The following SCHIP1 variants were observed in gnomAD, a reference collection of about 807,000 sequenced individuals.
SCHIP1 encodes schwannomin interacting protein 1.
In SCHIP1, 8 loss-of-function variants were observed where a neutral mutation model predicts 29.7. That is an observed-to-expected ratio of 0.27 (90% CI 0.16 to 0.49). The LOEUF is 0.49. SCHIP1 is among the 20% of genes least tolerant of loss of function. SCHIP1 has a pLI of 0.99. For missense variants in SCHIP1, 193 were observed against 294.6 expected (o/e 0.66, Z 2.52); for synonymous variants, 76 against 94.9 (o/e 0.80, Z 1.16).
chr3:159,594,487 C>T, the SCHIP1 span, among the ~76,000 whole-genome samples: 1 of 152,134 alleles, frequency 6.6e-6, no homozygotes, highest in Non-Finnish European at 1.5e-5. Context: ...GAAATTACAG[C>T]CACAGTGACT....
At chr3:159,693,868 A>T in the SCHIP1 span, among the ~76,000 whole-genome samples, 9 of 152,232 alleles carry the variant, frequency 5.9e-5, no homozygotes, top group Non-Finnish European at 1.3e-4. Context: ...GTAAATATCC[A>T]TTAAGTCATT....
the SCHIP1 span, among the ~76,000 whole-genome samples, chr3:159,496,441 G>A: frequency 1.6e-4 from 24 of 151,902 alleles, no homozygotes; most frequent in Non-Finnish European, 2.2e-4. Context: ...AAAAGTAAGC[G>A]AAGGATATGA....
At chr3:159,325,715 C>T in the SCHIP1 span, among the ~76,000 whole-genome samples, 2 of 151,940 alleles carry the variant, frequency 1.3e-5, no homozygotes, top group Admixed American at 6.6e-5. Flanking sequence ...TCTAAAAGCA[C>T]CTGGATCTGG....
chr3:159,279,857 G>A, the SCHIP1 span, among the ~76,000 whole-genome samples: 16 of 152,204 alleles, frequency 1.1e-4, no homozygotes, highest in African/African-American at 3.6e-4. Flanking sequence ...ACACACAAGA[G>A]GCAACATTAT....
the SCHIP1 span, among the ~76,000 whole-genome samples, chr3:159,725,382 G>C: frequency 6.6e-6 from 1 of 150,750 alleles, no homozygotes; most frequent in Non-Finnish European, 1.5e-5. Flanking sequence ...AGATTCTCCT[G>C]CCTCAGCCTC....
the SCHIP1 span, among the ~76,000 whole-genome samples, chr3:159,387,975 G>T: frequency 6.6e-6 from 1 of 152,036 alleles, no homozygotes; most frequent in Non-Finnish European, 1.5e-5. Flanking sequence ...AAAAATAGAA[G>T]AGCTATTAGA....
At chr3:159,319,463 A>C in the SCHIP1 span, among the ~76,000 whole-genome samples, 5 of 152,236 alleles carry the variant, frequency 3.3e-5, no homozygotes, top group African/African-American at 1.2e-4. Context: ...ACATATCTGC[A>C]CATTGGTAAC....
At chr3:159,875,811 A>T (rs1715742741) in intron 2 of SCHIP1, among the ~76,000 whole-genome samples, 1 of 152,210 alleles carries the variant, frequency 6.6e-6, no homozygotes, top group Non-Finnish European at 1.5e-5. Context: ...ACCCATGGAA[A>T]GCCAGGCACA....
At chr3:159,653,959 G>A in the SCHIP1 span, among the ~76,000 whole-genome samples, 1 of 152,004 alleles carries the variant, frequency 6.6e-6, no homozygotes, top group African/African-American at 2.4e-5. Context: ...CCCTAAAAAT[G>A]ATCAGTTTAA....
At chr3:159,364,127 T>C in the SCHIP1 span, among the ~76,000 whole-genome samples, 1 of 152,226 alleles carries the variant, frequency 6.6e-6, no homozygotes, top group Non-Finnish European at 1.5e-5. Flanking sequence ...TACTGTTTTT[T>C]TGTTGGCAGC....
chr3:159,325,839 G>T, the SCHIP1 span, among the ~76,000 whole-genome samples: 1 of 151,992 alleles, frequency 6.6e-6, no homozygotes, highest in Non-Finnish European at 1.5e-5. Flanking sequence ...TTGAGAGAAA[G>T]AACTATCATC....
chr3:159,775,938 C>A, the SCHIP1 span, among the ~76,000 whole-genome samples: 1 of 152,104 alleles, frequency 6.6e-6, no homozygotes, highest in Non-Finnish European at 1.5e-5. Context: ...AAAACAAAAG[C>A]AGAAAAGCTG....
the SCHIP1 span, among the ~76,000 whole-genome samples, chr3:159,824,984 T>A: frequency 1.8e-4 from 28 of 152,358 alleles, no homozygotes; most frequent in African/African-American, 6.5e-4. Flanking sequence ...CCAGTTTGTC[T>A]TCCTACTGGC....
chr3:159,878,692 G>A (rs1432609067), intron 2 of SCHIP1, among the ~76,000 whole-genome samples: 7 of 144,442 alleles, frequency 4.8e-5, no homozygotes, highest in African/African-American at 1.5e-4. Context: ...GCAGGAGAAT[G>A]GCATGAACCC....
chr3:159,472,385 AT>A, the SCHIP1 span, among the ~76,000 whole-genome samples: 17 of 152,076 alleles, frequency 1.1e-4, no homozygotes, highest in African/African-American at 3.6e-4. Context: ...CACAACTTCC[AT>A]TTTGTCAATT....
the SCHIP1 span, among the ~76,000 whole-genome samples, chr3:159,618,339 G>C: frequency 6.6e-6 from 1 of 152,140 alleles, no homozygotes; most frequent in Admixed American, 6.5e-5. Flanking sequence ...AAGCTGGGTA[G>C]GTATATTTGG....
At chr3:159,770,461 G>A in the SCHIP1 span, among the ~76,000 whole-genome samples, 1 of 152,172 alleles carries the variant, frequency 6.6e-6, no homozygotes, top group Non-Finnish European at 1.5e-5. Flanking sequence ...GTGTCACCAT[G>A]TTGGTCAAGC....
At chr3:159,535,002 A>C in the SCHIP1 span, among the ~76,000 whole-genome samples, 1 of 152,248 alleles carries the variant, frequency 6.6e-6, no homozygotes, top group African/African-American at 2.4e-5. Flanking sequence ...TACAAGCAGA[A>C]GAAAAGGCAA....
the SCHIP1 span, among the ~76,000 whole-genome samples, chr3:159,515,071 A>T: frequency 6.6e-6 from 1 of 152,130 alleles, no homozygotes; most frequent in Non-Finnish European, 1.5e-5. Context: ...ATCTCAGCAC[A>T]TTCAACACTG....
Sources: allele counts gnomAD v4.1 joint callset (sites outside exome capture counted in the v4.1 genomes callset), GRCh38; gene constraint gnomAD v4.1.1; transcripts MANE v1.5; gene names NCBI Gene and HGNC (gene_info 2026-07-23, HGNC 2026-07-21).